PTPN14: variants seen among roughly 807,000 people sequenced by gnomAD.
PTPN14 encodes tyrosine-protein phosphatase non-receptor type 14.
In PTPN14, 53 loss-of-function variants were observed where a neutral mutation model predicts 126.8. The ratio of observed to expected loss-of-function variants is 0.42; its 90% CI spans 0.34 to 0.53. The LOEUF (loss-of-function observed/expected upper bound fraction) is 0.53, where lower values mean the gene tolerates loss of function less well. Among genes scored for constraint, PTPN14 ranks in the 20% least tolerant of loss-of-function variants. The pLI is 0.08. For missense variants in PTPN14, 1,257 were observed against 1,552.9 expected (o/e 0.81, Z 3.20); for synonymous variants, 630 against 599.3 (o/e 1.05, Z -0.75).
intron 1 of PTPN14, among the ~76,000 whole-genome samples, chr1:214,525,317 A>G (rs1655362098): frequency 6.6e-6 from 1 of 152,242 alleles, no homozygotes. Flanking sequence ...AAATGATCCC[A>G]ACAAACCTGG....
chr1:214,498,914 T>C (rs1654612013), intron 1 of PTPN14, among the ~76,000 whole-genome samples: 1 of 152,118 alleles, frequency 6.6e-6, no homozygotes, highest in Non-Finnish European at 1.5e-5. Flanking sequence ...ACTCAAGTCA[T>C]CCTCCCACTT....
At chr1:214,538,012 T>G (rs573752984) in intron 1 of PTPN14, among the ~76,000 whole-genome samples, 20 of 152,332 alleles carry the variant, frequency 1.3e-4, no homozygotes, top group African/African-American at 4.8e-4. Context: ...AGGTCCCATG[T>G]GTATTTGACA....
chr1:214,465,093 G>C, intron 1 of PTPN14, 136 bp from the exon 2 acceptor site: 1 of 392,234 alleles, frequency 2.5e-6, no homozygotes. Flanking sequence ...TAAGCTGCAA[G>C]TTCTGGAGTT....
chr1:214,396,457 A>G (rs1658882082), intron 8 of PTPN14, among the ~76,000 whole-genome samples: 2 of 152,160 alleles, frequency 1.3e-5, no homozygotes, highest in South Asian at 2.1e-4. Context: ...TCATAGCTAC[A>G]TGCTCCTTAG....
intron 1 of PTPN14, among the ~76,000 whole-genome samples, chr1:214,550,350 G>C (rs964863790): frequency 2.0e-5 from 3 of 152,200 alleles, no homozygotes; most frequent in Non-Finnish European, 2.9e-5. Context: ...GCGACAGCCA[G>C]TCCCTAGACT....
At chr1:214,430,662 G>T (rs1039197097) in intron 3 of PTPN14, among the ~76,000 whole-genome samples, 27 of 152,196 alleles carry the variant, frequency 1.8e-4, no homozygotes, top group African/African-American at 6.0e-4. Context: ...TTTTGCATTT[G>T]TCAAGTCTCT....
chr1:214,361,674 T>C (rs1468071395), intron 18 of PTPN14, among the ~76,000 whole-genome samples: 1 of 152,228 alleles, frequency 6.6e-6, no homozygotes, highest in Middle Eastern at 3.2e-3. Flanking sequence ...CCTGACCTTT[T>C]GTAATTAGCT....
chr1:214,366,901 G>A (rs1658094693), intron 17 of PTPN14, among the ~76,000 whole-genome samples: 2 of 150,916 alleles, frequency 1.3e-5, no homozygotes, highest in South Asian at 2.1e-4. Context: ...GGAGAATGGC[G>A]TGAACTCGGG....
chr1:214,519,268 AAAAAC>A (rs1287954703), intron 1 of PTPN14, among the ~76,000 whole-genome samples: 2 of 152,146 alleles, frequency 1.3e-5, no homozygotes, highest in African/African-American at 2.4e-5. Context: ...GACTGTCTCA[AAAAAC>A]AAAACAAAAC....
intron 5 of PTPN14, among the ~76,000 whole-genome samples, chr1:214,410,409 C>T (rs994674717): frequency 6.6e-6 from 1 of 151,832 alleles, no homozygotes; most frequent in African/African-American, 2.4e-5. Flanking sequence ...TCTCCTGCCT[C>T]AGCCTCCTGA....
chr1:214,391,070 G>T, intron 10 of PTPN14, 25 bp from the exon 11 acceptor site: 1 of 1,522,918 alleles, frequency 6.6e-7, no homozygotes, highest in Non-Finnish European at 9.0e-7. Context: ...GAAAAAATGA[G>T]AATGGTTATT....
rs149950305 is a variant in PTPN14, at chr1:214,442,729, G to A, written c.344+9076C>T. On this transcript the variant is annotated intron_variant, in intron 3 of 18. Coordinates refer to ENST00000366956, the MANE Select transcript of PTPN14 (RefSeq NM_005401.5). ...TTATGTTTACGGCTAAGTTAACTTCGGCTAAGTTAACTTCATCTTATTTGT... is the reference window on the plus strand; with the variant it reads ...TTATGTTTACGGCTAAGTTAACTTCAGCTAAGTTAACTTCATCTTATTTGT... Among the ~76,000 whole-genome samples the A allele has an allele frequency of 4.2e-3, 645 of 152,140 alleles. 2 individuals are homozygous for A. The highest frequency in any genetic ancestry group is 0.015 in the African/African-American group (626 of 41,512).
At chr1:214,428,094 G>A (rs1261732182) in intron 3 of PTPN14, among the ~76,000 whole-genome samples, 1 of 152,184 alleles carries the variant, frequency 6.6e-6, no homozygotes, top group East Asian at 1.9e-4. Context: ...TTTACAAGAT[G>A]GTACTGGCTG....
intron 1 of PTPN14, among the ~76,000 whole-genome samples, chr1:214,495,362 T>C (rs1004047191): frequency 2.0e-5 from 3 of 152,214 alleles, no homozygotes; most frequent in Non-Finnish European, 4.4e-5. Context: ...TACCTATTAC[T>C]GTAGCTATTA....
At chr1:214,522,895 G>C (rs1655293800) in intron 1 of PTPN14, among the ~76,000 whole-genome samples, 1 of 152,202 alleles carries the variant, frequency 6.6e-6, no homozygotes, top group East Asian at 1.9e-4. Flanking sequence ...CATTTAAAAT[G>C]CTGGCAAGAT....
In PTPN14 at chr1:214,384,642, G is replaced by T. The variant is rs928940880; in HGVS notation, c.1213C>A (p.Gln405Lys). Residue 405 changes from glutamine to lysine, a missense_variant, in exon 13 of 19, where the codon CAG (glutamine) becomes AAG (lysine). Transcript: ENST00000366956. This position sits in a 1 kb window ranked among gnomAD's most constrained non-coding sequence, Gnocchi z 5.3. ...NSLNCSQSFI[Q>K]ASPVSSNLSI... ...AGGTTGGAGGATACAGGGGAGGCCT[G>T]GATGAAACTTTGCGAGCAGTTGAGG... The T allele has an allele frequency of 6.2e-7, 1 of 1,614,152 alleles. No individual in the cohort carries two copies.
chr1:214,538,330 T>C (rs547185100), intron 1 of PTPN14, among the ~76,000 whole-genome samples: 8 of 152,382 alleles, frequency 5.2e-5, no homozygotes, highest in African/African-American at 1.9e-4. Flanking sequence ...CTCCACTTAC[T>C]AGCTGTGAGA....
chr1:214,415,516 T>C (rs1659406256), intron 3 of PTPN14, among the ~76,000 whole-genome samples: 1 of 152,240 alleles, frequency 6.6e-6, no homozygotes, highest in South Asian at 2.1e-4. Context: ...TCTCTAGCAT[T>C]AATTCCTGGT....
At chr1:214,411,572 C>A in intron 5 of PTPN14, 112 bp downstream of exon 5, 1 of 747,070 alleles carries the variant, frequency 1.3e-6, no homozygotes. Context: ...ATAAACCCAT[C>A]GACTTTTTCC....
Sources: gnomAD v4.1 joint callset for allele counts (sites outside exome capture counted in the v4.1 genomes callset) on GRCh38, gnomAD v4.1.1 for gene constraint, Gnocchi (gnomAD v3.1) non-coding constraint, MANE v1.5 for transcripts, NCBI Gene and HGNC (gene_info 2026-07-23, HGNC 2026-07-21) for gene names.